The following NFASC variants were observed in gnomAD, a reference collection of about 807,000 sequenced individuals.
NFASC encodes the protein neurofascin.
NFASC carries 43 observed loss-of-function variants against 147.5 expected under a neutral mutation model. That is an observed-to-expected ratio of 0.29 (90% CI 0.23 to 0.38). The LOEUF (loss-of-function observed/expected upper bound fraction) is 0.38. NFASC is among the 10% of genes least tolerant of loss of function. The pLI, the probability that NFASC is intolerant of heterozygous loss-of-function variation, is 1.00. For missense variants in NFASC, 1,320 were observed against 1,689.0 expected (o/e 0.78, Z 3.83); for synonymous variants, 622 against 665.5 (o/e 0.93, Z 1.01).
intron 1 of NFASC, among the ~76,000 whole-genome samples, chr1:204,844,941 C>T (rs1279815761): frequency 6.6e-6 from 1 of 152,086 alleles, no homozygotes; most frequent in East Asian, 1.9e-4. Context: ...CATATCCCCC[C>T]AAGTCTGCGT....
chr1:204,941,483 C>G (rs967583386), intron 2 of NFASC, among the ~76,000 whole-genome samples: 1 of 152,192 alleles, frequency 6.6e-6, no homozygotes, highest in Non-Finnish European at 1.5e-5. Context: ...ATATCCGTCT[C>G]TTTCCCTTCA....
At chr1:204,974,604 C>A in intron 13 of NFASC, 53 bp from the exon 14 acceptor site, 1 of 1,600,254 alleles carries the variant, frequency 6.2e-7, no homozygotes, top group Non-Finnish European at 8.6e-7. Flanking sequence ...CTGCCCCTGC[C>A]CTTGGGCTGG....
Position 204,977,212 on chromosome 1 carries a change from T to C in NFASC, c.1831+417T>C, listed in dbSNP as rs115000648. On this transcript the variant is annotated intron_variant, in intron 16 of 29. Coordinates refer to ENST00000339876, the MANE Select transcript of NFASC (RefSeq NM_001005388.3). ...CTTCCTTTCCCTCCCGCTCCATCCC[T>C]GGGTTTTGGTAGCGTTTCATCACAT... The C allele has an allele frequency of 3.2e-3, 2,381 of 752,346 alleles. 39 individuals carry two copies. In the African/African-American group the frequency reaches 0.04, roughly 13 times the overall value. The allele number at this position is 752,346 out of a possible 1,614,324, so 46.6% of individuals were successfully genotyped here.
intron 10 of NFASC, among the ~76,000 whole-genome samples, chr1:204,969,443 A>C (rs1047514585): frequency 2.0e-5 from 3 of 152,174 alleles, no homozygotes; most frequent in Non-Finnish European, 4.4e-5. Context: ...CAAAGCAAAG[A>C]GGGCCCACCC....
rs1293555003 is a variant in NFASC at position 205,002,723 on chromosome 1, C to T, written c.3264C>T (p.Thr1088=). 6 of 1,558,446 alleles carry T rather than the reference C, an allele frequency of 3.8e-6. No homozygotes were observed. The highest frequency in any genetic ancestry group is 1.2e-5 in the South Asian group (1 of 85,452). ...GGGACAACGAGGGCATCAGCAGTAC[C>T]GTCATCACCTTTATGACCAGTACAG... ...YSRDNEGISS[T]VITFMTSTAY... Residue 1088 remains threonine, a synonymous_variant, in exon 27 of 30, where the codon ACC becomes ACT. Coordinates refer to ENST00000339876, the MANE Select transcript of NFASC (RefSeq NM_001005388.3).
At chr1:204,835,928 A>AT (rs978480635) in intron 1 of NFASC, among the ~76,000 whole-genome samples, 17 of 152,022 alleles carry the variant, frequency 1.1e-4, no homozygotes, top group Non-Finnish European at 1.8e-4. Flanking sequence ...AGATCTTGTG[A>AT]TTTTCTGGGA....
chr1:204,988,483 CT>C (rs2095659887), intron 22 of NFASC, 149 bp from the exon 23 acceptor site: 3 of 705,576 alleles, frequency 4.3e-6, no homozygotes, highest in South Asian at 3.6e-5. Flanking sequence ...AGTGTTCTGC[CT>C]TTGAACCAAG....
At position 204,993,446 on chromosome 1, in the gene NFASC, A is replaced by G. The variant is rs72753455; in HGVS notation, c.2782+2140A>G. On this transcript the variant is annotated intron_variant, in intron 24 of 29. Transcript: ENST00000339876. ...GTTCCGTGGCAGGTTCTGGGACAGA[A>G]AGATGAATGACACATGTCATCTCTC... Among the ~76,000 whole-genome samples, 835 of 152,318 alleles carry G rather than the reference A, an allele frequency of 5.5e-3. 12 individuals are homozygous for G. The highest frequency in any genetic ancestry group is 0.011 in the South Asian group (54 of 4,828).
chr1:204,993,227 C>T (rs1464563138), intron 24 of NFASC, among the ~76,000 whole-genome samples: 1 of 152,206 alleles, frequency 6.6e-6, no homozygotes, highest in Non-Finnish European at 1.5e-5. Context: ...TAATCCCTCT[C>T]ATCCACCTGT....
At chr1:204,906,303 T>A (rs2085844889) in intron 1 of NFASC, among the ~76,000 whole-genome samples, 1 of 152,176 alleles carries the variant, frequency 6.6e-6, no homozygotes, top group Non-Finnish European at 1.5e-5. Context: ...ACCACCACCA[T>A]AAGCAAGATA....
rs771149898 is a variant in NFASC, at chr1:204,828,705, A to C, written c.-277A>C. 1 of 985,008 alleles carries C rather than the reference A, an allele frequency of 1.0e-6. No individual in the cohort carries two copies. Among genetic ancestry groups the C allele is most frequent in the Non-Finnish European group, 1.2e-6 (1 of 829,860 alleles). The allele number at this position is 985,008 out of a possible 1,614,324, so 61.0% of individuals were successfully genotyped here. On this transcript the variant is annotated 5_prime_UTR_variant, in exon 1 of 30. Transcript: ENST00000339876. ...GGCGGCTGGCGGCGAGAGGCGCTGC[A>C]GGGGACGCGGGGGAAGTGGCGGCGC...
chr1:204,953,701 G>A (rs2094272793), intron 5 of NFASC, among the ~76,000 whole-genome samples: 1 of 152,124 alleles, frequency 6.6e-6, no homozygotes, highest in Non-Finnish European at 1.5e-5. Flanking sequence ...CTTTAAAATG[G>A]ATTGTAAAAT....
At chr1:204,955,048 T>C in intron 7 of NFASC, 97 bp downstream of exon 7, 2 of 1,478,176 alleles carry the variant, frequency 1.4e-6, no homozygotes, top group Admixed American at 1.8e-5. Flanking sequence ...CTAGAAGGCC[T>C]TGATTTGTGA....
chr1:204,972,424 G>T (rs2150313860), intron 11 of NFASC, among the ~76,000 whole-genome samples: 1 of 152,298 alleles, frequency 6.6e-6, no homozygotes, highest in South Asian at 2.1e-4. Context: ...GGGAAAGGTG[G>T]AAGTGATTCT....
Position 204,986,433 on chromosome 1 carries a change from G to A in NFASC, c.2471-985G>A, listed in dbSNP as rs2095617007. On this transcript the variant is annotated intron_variant, in intron 21 of 29. Coordinates refer to ENST00000339876, the MANE Select transcript of NFASC (RefSeq NM_001005388.3). This position sits in a 1 kb window ranked among gnomAD's most constrained non-coding sequence, Gnocchi z 4.2. Reference sequence around the variant, plus strand: ...ACCCCACCACCTTCCGAGGCAGAAGGCAGCACGTCCATCCTGACTGCCTGG... The same window carrying A: ...ACCCCACCACCTTCCGAGGCAGAAGACAGCACGTCCATCCTGACTGCCTGG... Among the ~76,000 whole-genome samples the A allele has an allele frequency of 6.6e-6, 1 of 152,244 alleles. No individual in the cohort carries two copies. The highest frequency in any genetic ancestry group is 2.4e-5 in the African/African-American group (1 of 41,462).
At chr1:204,948,669 A>T (rs1324517721) in intron 3 of NFASC, 2 of 518,936 alleles carry the variant, frequency 3.9e-6, no homozygotes, top group Non-Finnish European at 7.7e-6. Flanking sequence ...TTCCTGTATG[A>T]TCTTGGCCGA....
chr1:204,959,352 C>T (rs2094561358), intron 8 of NFASC, among the ~76,000 whole-genome samples: 3 of 152,202 alleles, frequency 2.0e-5, no homozygotes, highest in South Asian at 2.1e-4. Flanking sequence ...CTCCCCCGTC[C>T]CTGACTTTCT....
chr1:204,929,796 T>A (rs2092167658), intron 2 of NFASC, among the ~76,000 whole-genome samples: 1 of 152,220 alleles, frequency 6.6e-6, no homozygotes, highest in South Asian at 2.1e-4. Context: ...TCCCTCTTTC[T>A]CCACTTGCTT....
chr1:204,909,050 T>C (rs994785750), intron 1 of NFASC, among the ~76,000 whole-genome samples: 2 of 152,250 alleles, frequency 1.3e-5, no homozygotes, highest in African/African-American at 4.8e-5. Flanking sequence ...TAAACATTTA[T>C]GTACAGGTTT....
Sources: allele counts gnomAD v4.1 joint callset (sites outside exome capture counted in the v4.1 genomes callset), GRCh38; gene constraint gnomAD v4.1.1; non-coding constraint Gnocchi (gnomAD v3.1); transcripts MANE v1.5; gene names NCBI Gene and HGNC (gene_info 2026-07-23, HGNC 2026-07-21).